BNC2: variants seen among roughly 807,000 people sequenced by gnomAD.
The protein encoded by BNC2 is zinc finger protein basonuclin-2.
A neutral mutation model predicts 76.3 loss-of-function variants in BNC2; 20 were observed. The observed-to-expected ratio is 0.26, with a 90% CI of 0.18 to 0.38. BNC2 has a LOEUF of 0.38. BNC2 is among the 10% of genes least tolerant of loss of function. The pLI is 1.00. For synonymous variants in BNC2, 582 were observed against 514.8 expected, an observed-to-expected ratio of 1.13 and a Z score of -1.77; for missense variants, 1,382 against 1,399.8, an observed-to-expected ratio of 0.99 and a Z score of 0.20.
At chr9:16,759,394 CAGG>C (rs1324470786) in intron 1 of BNC2, among the ~76,000 whole-genome samples, 7 of 152,084 alleles carry the variant, frequency 4.6e-5, no homozygotes, top group African/African-American at 1.7e-4. Context: ...TTTAAGATTT[CAGG>C]AGGAGGAAAA....
chr9:16,761,125 G>A (rs1449451796), intron 1 of BNC2, among the ~76,000 whole-genome samples: 1 of 152,048 alleles, frequency 6.6e-6, no homozygotes, highest in East Asian at 1.9e-4. Flanking sequence ...GCACATGCCT[G>A]TGGTCCCAGC....
intron 1 of BNC2, among the ~76,000 whole-genome samples, chr9:16,842,787 T>G (rs1417393134): frequency 6.6e-6 from 1 of 152,210 alleles, no homozygotes; most frequent in Non-Finnish European, 1.5e-5. Context: ...TGGAGTCTCC[T>G]TCACTCTGTG....
In BNC2 at chr9:16,712,982, C is replaced by T. The variant is rs138855957; in HGVS notation, c.330+14815G>A. On this transcript the variant is annotated intron_variant, in intron 3 of 6. Coordinates refer to ENST00000380672, the MANE Select transcript of BNC2 (RefSeq NM_017637.6). ...GACTAGGAGGCTCCAAAAGGGTAGG[C>T]GTTTCACATTCAGGAAATGGGGAAT... Among the ~76,000 whole-genome samples the T allele has an allele frequency of 7.2e-4, 110 of 152,252 alleles. 1 individual carries two copies. The South Asian group carries it at 0.014, about 20-fold the overall frequency.
chr9:16,780,108 T>C lies in BNC2; in HGVS notation c.4-41623A>G, dbSNP rs375029671. Among the ~76,000 whole-genome samples the C allele has an allele frequency of 2.4e-3, 362 of 149,266 alleles. 1 individual carries two copies. Among genetic ancestry groups the C allele is most frequent in the East Asian group, 6.6e-3 (33 of 4,982 alleles). ...AAAATTAGCCGGGCGCGGTGGCGGG[T>C]GCCTGTAGTCCCAGCTACTAGGGAG... On this transcript the variant is annotated intron_variant, in intron 1 of 6. Coordinates refer to ENST00000380672, the MANE Select transcript of BNC2 (RefSeq NM_017637.6).
chr9:16,616,820 A>AAAGG (rs1554689414), intron 3 of BNC2, among the ~76,000 whole-genome samples: 6 of 129,046 alleles, frequency 4.6e-5, no homozygotes, highest in Admixed American at 8.2e-5. Context: ...AGGAAGGAAG[A>AAAGG]AAGGAAGGAA....
intron 1 of BNC2, among the ~76,000 whole-genome samples, chr9:16,759,382 C>G (rs1405239112): frequency 1.3e-5 from 2 of 152,118 alleles, no homozygotes; most frequent in Non-Finnish European, 2.9e-5. Context: ...AGTATGGTAA[C>G]TTTTAAGATT....
chr9:16,693,403 T>C (rs1241997350), intron 3 of BNC2, among the ~76,000 whole-genome samples: 1 of 152,138 alleles, frequency 6.6e-6, no homozygotes, highest in Admixed American at 6.5e-5. Flanking sequence ...GCCCAAGGCA[T>C]GCTTCTTGGC....
chr9:16,686,825 G>A (rs1176700591), intron 3 of BNC2, among the ~76,000 whole-genome samples: 4 of 152,058 alleles, frequency 2.6e-5, no homozygotes, highest in Middle Eastern at 3.2e-3. Context: ...AAAGGTACTC[G>A]GTCAACGCTT....
chr9:16,553,792 C>G (rs1043274064), intron 4 of BNC2, among the ~76,000 whole-genome samples: 6 of 152,152 alleles, frequency 3.9e-5, no homozygotes, highest in African/African-American at 1.4e-4. Context: ...ACTGCACACC[C>G]TATTGCTGAT....
At position 16,686,750 on chromosome 9, in the gene BNC2, C is replaced by A. The variant is rs539661570; in HGVS notation, c.330+41047G>T. On this transcript the variant is annotated intron_variant, in intron 3 of 6. Coordinates refer to ENST00000380672, the MANE Select transcript of BNC2 (RefSeq NM_017637.6). The stretch of plus-strand genomic sequence containing the variant: ...ATCAGTACAATCGTCCAAACTTAAA[C>A]AACGTTCAGTATACTCCACTTTGCA... Among the ~76,000 whole-genome samples, 3 of 152,298 alleles carry A rather than the reference C, an allele frequency of 2.0e-5. No individual in the cohort carries two copies. In the East Asian group the frequency reaches 5.8e-4, roughly 29 times the overall value.
At chr9:16,824,704 G>A (rs1224074948) in intron 1 of BNC2, among the ~76,000 whole-genome samples, 4 of 152,038 alleles carry the variant, frequency 2.6e-5, no homozygotes, top group South Asian at 4.1e-4. Context: ...CCTCTGCCTC[G>A]ACAAAACATA....
intron 1 of BNC2, among the ~76,000 whole-genome samples, chr9:16,806,781 A>C (rs1250124901): frequency 1.3e-5 from 2 of 152,190 alleles, no homozygotes; most frequent in African/African-American, 4.8e-5. Context: ...ATTGTCCCCT[A>C]ATCAGACTGA....
At chr9:16,826,414 T>G (rs1327325585) in intron 1 of BNC2, among the ~76,000 whole-genome samples, 1 of 152,048 alleles carries the variant, frequency 6.6e-6, no homozygotes, top group East Asian at 1.9e-4. Flanking sequence ...ATTTCACAAC[T>G]GAGAAAACCC....
At chr9:16,431,425 T>A (rs919673503) in intron 6 of BNC2, 1 of 468,328 alleles carries the variant, frequency 2.1e-6, no homozygotes, top group African/African-American at 2.0e-5. Context: ...ACTATCACGC[T>A]CTCTTCAAGA....
At chr9:16,467,890 G>C (rs1821728012) in intron 5 of BNC2, among the ~76,000 whole-genome samples, 1 of 151,288 alleles carries the variant, frequency 6.6e-6, no homozygotes, top group Non-Finnish European at 1.5e-5. Flanking sequence ...GGTCTCTCAT[G>C]ATCTGGTGCC....
intron 3 of BNC2, among the ~76,000 whole-genome samples, chr9:16,588,824 A>G (rs759379053): frequency 1.3e-5 from 2 of 152,208 alleles, no homozygotes; most frequent in Non-Finnish European, 2.9e-5. Context: ...TTGAACCCCA[A>G]TCTTCTGACC....
chr9:16,560,821 A>G (rs1011313040), intron 4 of BNC2, among the ~76,000 whole-genome samples: 1 of 152,260 alleles, frequency 6.6e-6, no homozygotes, highest in Non-Finnish European at 1.5e-5. Flanking sequence ...AATAGTTGTC[A>G]CATGGGAGAC....
chr9:16,774,782 G>A (rs1287359734), intron 1 of BNC2, among the ~76,000 whole-genome samples: 1 of 152,148 alleles, frequency 6.6e-6, no homozygotes, highest in Admixed American at 6.5e-5. Context: ...AAATATTTAA[G>A]GAAACCTGTT....
rs1820634870 is a variant in BNC2 at position 16,418,565 on chromosome 9, T to A, written c.*424A>T. The A allele has an allele frequency of 6.3e-6, 1 of 158,346 alleles. No individual in the cohort carries two copies. Among genetic ancestry groups the A allele is most frequent in the Admixed American group, 6.3e-5 (1 of 15,874 alleles). The allele number at this position is 158,346 out of a possible 1,614,324, so 9.8% of individuals were successfully genotyped here. A position where few individuals can be genotyped will look rare whatever the true frequency, so the allele number is the denominator to read the frequency against. On this transcript the variant is annotated 3_prime_UTR_variant, in exon 7 of 7. Transcript: ENST00000380672. ...TCCTTTTTGTTTCTTTTTTCTTTTT[T>A]TTCCCTTTTATTTTTGCAGGCAACA...
Sources: allele counts gnomAD v4.1 joint callset (sites outside exome capture counted in the v4.1 genomes callset), GRCh38; gene constraint gnomAD v4.1.1; transcripts MANE v1.5; gene names NCBI Gene and HGNC (gene_info 2026-07-23, HGNC 2026-07-21).